The following ESRRB variants were observed in gnomAD, a reference collection of about 807,000 sequenced individuals.
The protein encoded by ESRRB is steroid hormone receptor ERR2.
A neutral mutation model predicts 46.0 loss-of-function variants in ESRRB; 16 were observed. The observed-to-expected ratio is 0.35, with a 90% CI of 0.24 to 0.53. The LOEUF is 0.53. ESRRB is among the 20% of genes least tolerant of loss of function. The probability of loss-of-function intolerance (pLI) is 0.93; values close to 1 mark genes in which losing one functional copy is unlikely to be tolerated. For synonymous variants in ESRRB, 246 were observed against 259.6 expected, an observed-to-expected ratio of 0.95 and a Z score of 0.50; for missense variants, 488 against 607.4, an observed-to-expected ratio of 0.80 and a Z score of 2.07.
At chr14:76,459,760 G>A (rs1232459073) in intron 2 of ESRRB, among the ~76,000 whole-genome samples, 2 of 152,318 alleles carry the variant, frequency 1.3e-5, no homozygotes, top group South Asian at 2.1e-4. Context: ...ACAAAAGCAG[G>A]TAGGGGTACA....
At position 76,490,814 on chromosome 14, in the gene ESRRB, C is replaced by T. The variant is rs546648391; in HGVS notation, c.851-633C>T. On this transcript the variant is annotated intron_variant, in intron 5 of 6. Transcript: ENST00000644823. The stretch of plus-strand genomic sequence containing the variant: ...TATGGCCCGGGAAGAGGGGCTCCGA[C>T]CCTGGGAGAGCAGGCTGTCCTGTGA... Among the ~76,000 whole-genome samples, 250 of 152,302 alleles carry T rather than the reference C, an allele frequency of 1.6e-3. 3 individuals carry two copies. Among genetic ancestry groups the T allele is most frequent in the African/African-American group, 5.7e-3 (237 of 41,554 alleles).
chr14:76,418,196 C>T (rs553474892), intron 1 of ESRRB, among the ~76,000 whole-genome samples: 1 of 152,062 alleles, frequency 6.6e-6, no homozygotes, highest in Non-Finnish European at 1.5e-5. Flanking sequence ...CTCAGGTGAT[C>T]CACCCACCTC....
intron 2 of ESRRB, among the ~76,000 whole-genome samples, chr14:76,457,337 A>G (rs1888655793): frequency 6.6e-6 from 1 of 151,974 alleles, no homozygotes; most frequent in South Asian, 2.1e-4. Context: ...GAAAAGACTT[A>G]TCCTGGAATC....
Position 76,480,064 on chromosome 14 carries a change from C to T in ESRRB, c.578-1952C>T, listed in dbSNP as rs1193177679. 3.3e-5 allele frequency among the ~76,000 whole-genome samples: 5 copies of T among 152,070 alleles called. No individual in the cohort carries two copies. In the East Asian group the frequency reaches 9.7e-4, roughly 29 times the overall value. On this transcript the variant is annotated intron_variant, in intron 3 of 6. Transcript: ENST00000644823. ...TGTATTTTTGGTAGAGATGGGGTTT[C>T]GCCATGGTAGCTAGGCTGATCTTGA...
intron 1 of ESRRB, among the ~76,000 whole-genome samples, chr14:76,411,211 G>C (rs1233976637): frequency 2.0e-5 from 3 of 151,298 alleles, no homozygotes; most frequent in African/African-American, 7.3e-5. Context: ...ACTATGGAAG[G>C]CCAAGGCAGG....
intron 1 of ESRRB, among the ~76,000 whole-genome samples, chr14:76,364,253 T>C (rs1884496419): frequency 6.6e-6 from 1 of 152,202 alleles, no homozygotes; most frequent in Admixed American, 6.5e-5. Context: ...TTATTGCTGA[T>C]ATTTGATAAA....
chr14:76,498,021 C>T (rs1455570122), intron 6 of ESRRB, among the ~76,000 whole-genome samples, 193 bp from the exon 7 acceptor site: 1 of 152,168 alleles, frequency 6.6e-6, no homozygotes, highest in African/African-American at 2.4e-5. Context: ...ACGCCAGTCT[C>T]TCCCTGGGTT....
chr14:76,439,641 C>T lies in ESRRB; in HGVS notation c.351C>T (p.Asn117=), dbSNP rs1429084921. ...CCATCAAGTGCGAGTACATGCTCAACGCCATCCCCAAGCGCCTGTGCCTCG... is the reference window on the plus strand; with the variant it reads ...CCATCAAGTGCGAGTACATGCTCAATGCCATCCCCAAGCGCCTGTGCCTCG... ...DSAIKCEYML[N]AIPKRLCLVC... is the part of the protein sequence containing the mutation. Residue 117 remains asparagine, a synonymous_variant, in exon 2 of 7, where the codon AAC becomes AAT. Transcript: ENST00000644823. 8 of 1,614,258 alleles carry T rather than the reference C, an allele frequency of 5.0e-6. No homozygotes were observed. The highest frequency in any genetic ancestry group is 1.1e-5 in the South Asian group (1 of 91,092).
chr14:76,343,012 A>C (rs146035683), intron 1 of ESRRB, among the ~76,000 whole-genome samples: 1,973 of 152,346 alleles, frequency 0.013, 19 homozygotes, highest in Middle Eastern at 0.024. Context: ...AGGGGAGATG[A>C]AGGGATCCAG....
upstream of ESRRB, among the ~76,000 whole-genome samples, chr14:76,367,484 G>A (rs1884536424): frequency 6.6e-6 from 1 of 151,438 alleles, no homozygotes; most frequent in African/African-American, 2.4e-5. Flanking sequence ...TTGAGCCTGG[G>A]AAGTCAAGGC....
chr14:76,440,241 G>A lies in ESRRB; in HGVS notation c.460+491G>A, dbSNP rs74522673. On this transcript the variant is annotated intron_variant, in intron 2 of 6. Coordinates refer to ENST00000644823, the MANE Select transcript of ESRRB (RefSeq NM_001379180.1). Reference sequence around the variant, plus strand: ...CCAGCACTTTGGGAGGCCAAGGCCAGAGGATAGGTCAAGCCAGGAGTTGAG... The same window carrying A: ...CCAGCACTTTGGGAGGCCAAGGCCAAAGGATAGGTCAAGCCAGGAGTTGAG... Among the ~76,000 whole-genome samples the A allele has an allele frequency of 6.5e-3, 990 of 152,260 alleles. 4 individuals carry two copies. The highest frequency in any genetic ancestry group is 0.011 in the Non-Finnish European group (739 of 68,028).
chr14:76,360,807 C>A (rs985170212), intron 1 of ESRRB, among the ~76,000 whole-genome samples: 14 of 152,160 alleles, frequency 9.2e-5, no homozygotes, highest in African/African-American at 3.4e-4. Context: ...TGTTGCTCTG[C>A]CCTACTGCTC....
intron 1 of ESRRB, among the ~76,000 whole-genome samples, chr14:76,435,935 G>T (rs967800603): frequency 6.6e-6 from 1 of 152,082 alleles, no homozygotes; most frequent in Non-Finnish European, 1.5e-5. Flanking sequence ...ATTAATAGCG[G>T]GCTTCCTGTA....
chr14:76,447,052 T>G (rs1257707121), intron 2 of ESRRB, among the ~76,000 whole-genome samples: 1 of 152,122 alleles, frequency 6.6e-6, no homozygotes, highest in East Asian at 1.9e-4. Context: ...TGCACTCTCT[T>G]CCATGTTCGC....
rs1220069783 is a variant in ESRRB, at chr14:76,500,975, AAAG to A, written c.*2521_*2523del. 5.4e-6 allele frequency: 3 copies of A among 558,432 alleles called. No homozygotes were observed. Among genetic ancestry groups the A allele is most frequent in the African/African-American group, 1.9e-5 (1 of 53,080 alleles). The allele number at this position is 558,432 out of a possible 1,614,324, so 34.6% of individuals were successfully genotyped here. Reference sequence around the variant, plus strand: ...TGAAGGGGTCCATTGGACACTCAGAAAAGAAGTTCAGGGGCCAACTTCTTAGCT... The same window carrying A: ...TGAAGGGGTCCATTGGACACTCAGAAAAGTTCAGGGGCCAACTTCTTAGCT... On this transcript the variant is annotated 3_prime_UTR_variant, in exon 7 of 7. Transcript: ENST00000644823.
intron 1 of ESRRB, among the ~76,000 whole-genome samples, chr14:76,323,664 T>G (rs911329374): frequency 6.6e-6 from 1 of 151,308 alleles, no homozygotes; most frequent in African/African-American, 2.4e-5. Context: ...GGAGGGGAGG[T>G]GTGTTGGATG....
At chr14:76,411,118 C>T (rs1886420193) in intron 1 of ESRRB, among the ~76,000 whole-genome samples, 1 of 151,848 alleles carries the variant, frequency 6.6e-6, no homozygotes, top group African/African-American at 2.4e-5. Flanking sequence ...CATATGCTAT[C>T]GTTTTGTCCA....
At chr14:76,462,494 G>T (rs1365505401) in intron 2 of ESRRB, 51 bp from the exon 3 acceptor site, 1 of 1,417,012 alleles carries the variant, frequency 7.1e-7, no homozygotes, top group South Asian at 1.2e-5. Context: ...GCTGGCAGGT[G>T]GGGGCCCTGG....
intron 1 of ESRRB, among the ~76,000 whole-genome samples, chr14:76,332,633 T>G: frequency 1.7e-4 from 2 of 11,756 alleles, no homozygotes; most frequent in African/African-American, 2.3e-4. Context: ...ATATATATTA[T>G]ATATATTTAT....
Sources: gnomAD v4.1 joint callset for allele counts (sites outside exome capture counted in the v4.1 genomes callset) on GRCh38, gnomAD v4.1.1 for gene constraint, MANE v1.5 for transcripts, NCBI Gene and HGNC (gene_info 2026-07-23, HGNC 2026-07-21) for gene names.